Variants in TTLL11 observed in about 807,000 individuals in gnomAD.
The protein encoded by TTLL11 is tubulin tyrosine ligase like 11.
Under a neutral mutation model 51.7 loss-of-function variants are expected in TTLL11, and 42 were observed. That is an observed-to-expected ratio of 0.81 (90% confidence interval 0.64 to 1.05). The LOEUF is 1.05. TTLL11 is among the 50% of genes least tolerant of loss of function. TTLL11 has a pLI of 0.00. For synonymous variants in TTLL11, 381 were observed against 383.5 expected (o/e 0.99, Z 0.08); for missense variants, 799 against 940.4 (o/e 0.85, Z 1.97).
chr9:121,939,123 C>G (rs925405648), intron 6 of TTLL11, among the ~76,000 whole-genome samples: 1 of 152,172 alleles, frequency 6.6e-6, no homozygotes, highest in African/African-American at 2.4e-5. Context: ...GGATGAAGAA[C>G]AACTTGGCTT....
chr9:121,905,997 A>G (rs879826349), intron 6 of TTLL11, among the ~76,000 whole-genome samples: 9 of 152,168 alleles, frequency 5.9e-5, no homozygotes, highest in Non-Finnish European at 1.2e-4. Context: ...GTTTGCCATG[A>G]AGTTAACTAC....
rs1320888024 is a variant in TTLL11, at chr9:121,826,210, ATATATATG to A, written c.1841-3339_1841-3332del. 1.7e-4 allele frequency among the ~76,000 whole-genome samples: 20 copies of A among 117,340 alleles called. 2 individuals are homozygous for A. The highest frequency in any genetic ancestry group is 5.5e-4 in the African/African-American group (15 of 27,078). The allele number at this position is 117,340 out of a possible 152,430, so 77.0% of individuals were successfully genotyped here. ...TATATATATATATATATATATATAT[ATATATATG>A]CACACATATATATATACACGCACAT... On this transcript the variant is annotated intron_variant, in intron 8 of 8. Coordinates refer to ENST00000321582, the MANE Select transcript of TTLL11 (RefSeq NM_001139442.2).
rs528127948 is a variant in TTLL11, at chr9:121,893,430, A to G, written c.1482-22682T>C. Among the ~76,000 whole-genome samples the G allele has an allele frequency of 3.4e-4, 51 of 152,176 alleles. 1 individual carries two copies. The highest frequency in any genetic ancestry group is 1.3e-3 in the Admixed American group (20 of 15,274). ...CATGATTTTACAAAAAATTACCTCT[A>G]ACTTCTACAACAATCCTCTGAGTTA... On this transcript the variant is annotated intron_variant, in intron 6 of 8. Transcript: ENST00000321582.
At chr9:121,893,762 T>A (rs1308063154) in intron 6 of TTLL11, among the ~76,000 whole-genome samples, 4 of 152,176 alleles carry the variant, frequency 2.6e-5, no homozygotes, top group African/African-American at 9.6e-5. Context: ...CAATGGGCAG[T>A]ACCCAAGGAT....
At chr9:122,035,765 C>A (rs891230470) in intron 2 of TTLL11, among the ~76,000 whole-genome samples, 9 of 152,278 alleles carry the variant, frequency 5.9e-5, no homozygotes, top group Admixed American at 2.6e-4. Context: ...GTCCCTCTGG[C>A]TGATCTTGCT....
chr9:121,997,188 A>C (rs56051279), intron 3 of TTLL11, among the ~76,000 whole-genome samples: 9,353 of 152,194 alleles, frequency 0.061, 431 homozygotes, highest in African/African-American at 0.14. Context: ...AGTGAGCAAC[A>C]AAAAAGCCTC....
intron 1 of TTLL11, among the ~76,000 whole-genome samples, chr9:122,051,886 A>G (rs952094544): frequency 4.6e-5 from 7 of 152,206 alleles, no homozygotes; most frequent in African/African-American, 1.7e-4. Flanking sequence ...CGCTCAACAG[A>G]GAGACCTCGA....
chr9:122,056,144 A>C (rs1213414111), intron 1 of TTLL11, among the ~76,000 whole-genome samples: 1 of 152,194 alleles, frequency 6.6e-6, no homozygotes, highest in Non-Finnish European at 1.5e-5. Context: ...TACCCAAGGG[A>C]GAGAGAAGAG....
At chr9:121,922,134 G>A (rs971917735) in intron 6 of TTLL11, among the ~76,000 whole-genome samples, 1 of 152,122 alleles carries the variant, frequency 6.6e-6, no homozygotes, top group African/African-American at 2.4e-5. Context: ...AACCCGTTAG[G>A]TTGAACCAGC....
chr9:121,966,312 G>A (rs950435924), intron 6 of TTLL11, among the ~76,000 whole-genome samples: 1 of 152,136 alleles, frequency 6.6e-6, no homozygotes. Flanking sequence ...GCATTGCGTG[G>A]CATCATGATA....
At chr9:121,923,537 A>T (rs996733946) in intron 6 of TTLL11, among the ~76,000 whole-genome samples, 3 of 152,162 alleles carry the variant, frequency 2.0e-5, no homozygotes. Flanking sequence ...AATCAAGTGA[A>T]ATCAGTGCTT....
intron 8 of TTLL11, among the ~76,000 whole-genome samples, chr9:121,855,656 G>A (rs1205550381): frequency 6.6e-6 from 1 of 152,066 alleles, no homozygotes; most frequent in Non-Finnish European, 1.5e-5. Context: ...AGGAGGGGAG[G>A]GAGACCCTGT....
intron 6 of TTLL11, among the ~76,000 whole-genome samples, chr9:121,949,506 T>A (rs1389311932): frequency 6.6e-6 from 1 of 152,142 alleles, no homozygotes; most frequent in Non-Finnish European, 1.5e-5. Flanking sequence ...TGTCTCATAG[T>A]TTAAAAAGCA....
chr9:121,872,941 A>T (rs888220182), intron 6 of TTLL11, among the ~76,000 whole-genome samples: 11 of 152,334 alleles, frequency 7.2e-5, no homozygotes, highest in African/African-American at 2.6e-4. Flanking sequence ...GACAGTAAAT[A>T]TCAGGTGGTT....
At chr9:122,018,372 A>G (rs1381853437) in intron 3 of TTLL11, among the ~76,000 whole-genome samples, 1 of 152,146 alleles carries the variant, frequency 6.6e-6, no homozygotes, top group Non-Finnish European at 1.5e-5. Flanking sequence ...TCGGCCTCCC[A>G]AAGTGCTGGG....
intron 6 of TTLL11, among the ~76,000 whole-genome samples, chr9:121,957,118 C>CTCG (rs1353253154): frequency 3.3e-5 from 5 of 152,188 alleles, no homozygotes; most frequent in African/African-American, 4.8e-5. Context: ...TGGCTAAGGC[C>CTCG]TCGTCCTTGC....
chr9:122,019,301 T>C (rs927099781), intron 3 of TTLL11, among the ~76,000 whole-genome samples: 4 of 152,152 alleles, frequency 2.6e-5, no homozygotes, highest in African/African-American at 7.2e-5. Flanking sequence ...ACCTTTCTAA[T>C]ACTAAAACTT....
chr9:121,967,806 A>C (rs1423875194), intron 6 of TTLL11, among the ~76,000 whole-genome samples: 1 of 152,234 alleles, frequency 6.6e-6, no homozygotes, highest in Non-Finnish European at 1.5e-5. Context: ...AATATTATTC[A>C]GCTGTAAAAA....
Position 121,853,892 on chromosome 9 carries a change from G to A in TTLL11, c.1840+6445C>T, listed in dbSNP as rs1301062204. 6.6e-6 allele frequency among the ~76,000 whole-genome samples: 1 copy of A among 152,190 alleles called. No homozygotes were observed. The highest frequency in any genetic ancestry group is 1.5e-5 in the Non-Finnish European group (1 of 68,038). On this transcript the variant is annotated intron_variant, in intron 8 of 8. Transcript: ENST00000321582. The surrounding 1 kb of genome is among the most constrained non-coding windows in gnomAD (Gnocchi z 5.6). ...CAGCACCTGCAGAGCAGCTGGCAGGGGTAGGTGCCCCAGAAGCACTTCCCG... is the reference window on the plus strand; with the variant it reads ...CAGCACCTGCAGAGCAGCTGGCAGGAGTAGGTGCCCCAGAAGCACTTCCCG...
Sources: gnomAD v4.1 joint callset for allele counts (sites outside exome capture counted in the v4.1 genomes callset) on GRCh38, gnomAD v4.1.1 for gene constraint, Gnocchi (gnomAD v3.1) non-coding constraint, MANE v1.5 for transcripts, NCBI Gene and HGNC (gene_info 2026-07-23, HGNC 2026-07-21) for gene names.